The following AFAP1L2 variants were observed in gnomAD, a reference collection of about 807,000 sequenced individuals.
AFAP1L2 encodes actin filament-associated protein 1-like 2.
Under a neutral mutation model 99.3 loss-of-function variants are expected in AFAP1L2, and 46 were observed. That is an observed-to-expected ratio of 0.46 (90% CI 0.37 to 0.59). AFAP1L2 has a LOEUF of 0.59. AFAP1L2 is among the 20% of genes least tolerant of loss of function. The pLI is 0.00. For missense variants in AFAP1L2, 959 were observed against 1,034.9 expected, an observed-to-expected ratio of 0.93 and a Z score of 1.01; for synonymous variants, 397 against 419.1, an observed-to-expected ratio of 0.95 and a Z score of 0.64.
chr10:114,317,767 G>A (rs2044367246), intron 5 of AFAP1L2, among the ~76,000 whole-genome samples: 1 of 152,176 alleles, frequency 6.6e-6, no homozygotes, highest in Admixed American at 6.5e-5. Flanking sequence ...GCTGAGGTGG[G>A]AGGATGGCTT....
chr10:114,333,155 C>T, intron 3 of AFAP1L2, 66 bp downstream of exon 3: 1 of 1,433,870 alleles, frequency 7.0e-7, no homozygotes, highest in Non-Finnish European at 9.8e-7. Context: ...GGGACAGAAC[C>T]AGCTTGGACC....
intron 2 of AFAP1L2, among the ~76,000 whole-genome samples, chr10:114,336,818 G>A (rs1208979386): frequency 6.6e-6 from 1 of 152,092 alleles, no homozygotes; most frequent in Non-Finnish European, 1.5e-5. Context: ...GTCTATGCCT[G>A]GACCTCTCCA....
At chr10:114,327,128 C>A (rs1387163650) in intron 4 of AFAP1L2, among the ~76,000 whole-genome samples, 1 of 91,458 alleles carries the variant, frequency 1.1e-5, no homozygotes, top group Non-Finnish European at 2.6e-5. Flanking sequence ...ATGGTGAAGA[C>A]CGTGAATTTT....
chr10:114,291,340 C>A, downstream of AFAP1L2: 1 of 1,350,484 alleles, frequency 7.4e-7, no homozygotes, highest in Non-Finnish European at 9.9e-7. Context: ...AATGTCTGTG[C>A]CCCAGGTCCT....
At chr10:114,318,510 G>A (rs901047640) in intron 5 of AFAP1L2, among the ~76,000 whole-genome samples, 3 of 151,980 alleles carry the variant, frequency 2.0e-5, no homozygotes, top group East Asian at 1.9e-4. Flanking sequence ...AGGCCAAGGC[G>A]GGTGGATCAC....
At chr10:114,385,358 C>A (rs2056361956) in intron 1 of AFAP1L2, among the ~76,000 whole-genome samples, 1 of 152,176 alleles carries the variant, frequency 6.6e-6, no homozygotes, top group Admixed American at 6.5e-5. Context: ...TAAAGGAATG[C>A]ACCAAGATGA....
chr10:114,301,873 G>C (rs1045983893), intron 12 of AFAP1L2: 4 of 258,586 alleles, frequency 1.5e-5, no homozygotes, highest in Non-Finnish European at 3.0e-5. Context: ...AACTGATTCT[G>C]TTTCAGTGGC....
Position 114,359,976 on chromosome 10 carries a change from C to T in AFAP1L2, c.17-19245G>A, listed in dbSNP as rs575485845. On this transcript the variant is annotated intron_variant, in intron 1 of 18. Coordinates refer to ENST00000304129, the MANE Select transcript of AFAP1L2 (RefSeq NM_001001936.3). Reference sequence around the variant, plus strand: ...ACCAGAGCTAAGGACAAACATTTTCCCACAAAGAGAGTGTGATGGTTAATT... The same window carrying T: ...ACCAGAGCTAAGGACAAACATTTTCTCACAAAGAGAGTGTGATGGTTAATT... Among the ~76,000 whole-genome samples, 35 of 152,286 alleles carry T rather than the reference C, an allele frequency of 2.3e-4. No homozygotes were observed. The South Asian group carries it at 7.3e-3, about 32-fold the overall frequency.
intron 2 of AFAP1L2, among the ~76,000 whole-genome samples, chr10:114,339,533 T>C (rs888756252): frequency 3.3e-5 from 5 of 152,246 alleles, no homozygotes; most frequent in African/African-American, 1.2e-4. Context: ...CGGGCCCAAC[T>C]CGGGTCAGTC....
intron 4 of AFAP1L2, among the ~76,000 whole-genome samples, chr10:114,323,703 A>T (rs1448789783): frequency 6.6e-6 from 1 of 152,202 alleles, no homozygotes; most frequent in Non-Finnish European, 1.5e-5. Flanking sequence ...TAAATCCTAC[A>T]CTTTTACCAT....
chr10:114,375,528 A>T (rs971410104), intron 1 of AFAP1L2, among the ~76,000 whole-genome samples: 30 of 152,128 alleles, frequency 2.0e-4, no homozygotes, highest in African/African-American at 6.3e-4. Flanking sequence ...GGGAGTGGAA[A>T]TTTTTTTTAG....
At chr10:114,321,739 C>A (rs2045377657) in intron 5 of AFAP1L2, among the ~76,000 whole-genome samples, 1 of 152,214 alleles carries the variant, frequency 6.6e-6, no homozygotes, top group South Asian at 2.1e-4. Flanking sequence ...CCACTTCTTT[C>A]TGAATCTCAA....
At position 114,323,294 on chromosome 10, in the gene AFAP1L2, A is replaced by G. The variant is rs1252010594; in HGVS notation, c.316-33T>C. ...ATGAACAAATAAGACAAACGTTTGC[A>G]GATATGGTACACTGGGAGCAACTTG... On this transcript the variant is annotated intron_variant, in intron 4 of 18. Coordinates refer to ENST00000304129, the MANE Select transcript of AFAP1L2 (RefSeq NM_001001936.3). 7.1e-6 allele frequency: 11 copies of G among 1,550,138 alleles called. No individual in the cohort carries two copies. In the South Asian group the frequency reaches 1.1e-4, roughly 15 times the overall value.
intron 1 of AFAP1L2, among the ~76,000 whole-genome samples, chr10:114,349,171 G>A (rs919553650): frequency 5.9e-5 from 9 of 151,742 alleles, no homozygotes; most frequent in South Asian, 2.1e-4. Context: ...TGAGGTCAAG[G>A]GTTTGAGACC....
chr10:114,391,213 T>C (rs1404162313), intron 1 of AFAP1L2, among the ~76,000 whole-genome samples: 2 of 151,916 alleles, frequency 1.3e-5, no homozygotes, highest in African/African-American at 4.8e-5. Flanking sequence ...TTCCTGTTTC[T>C]TTCTTTTCTT....
the AFAP1L2 span, among the ~76,000 whole-genome samples, chr10:114,287,594 T>C: frequency 6.6e-6 from 1 of 152,170 alleles, no homozygotes; most frequent in Admixed American, 6.5e-5. Context: ...CTTTCCCTCC[T>C]GTAAGGCGGA....
chr10:114,394,088 G>A (rs754638041), intron 1 of AFAP1L2, among the ~76,000 whole-genome samples: 20 of 152,148 alleles, frequency 1.3e-4, no homozygotes, highest in Admixed American at 2.6e-4. Flanking sequence ...AAGAGAGTAC[G>A]TGTGCCCTTT....
chr10:114,301,788 C>A (rs1005633), intron 12 of AFAP1L2: 247,760 of 363,806 alleles, frequency 0.68, 90,864 homozygotes, highest in Admixed American at 0.77. Flanking sequence ...CAACAAAAAA[C>A]CCCTTCTCAT....
chr10:114,326,166 TGTGA>T (rs2046262368), intron 4 of AFAP1L2: 1 of 623,002 alleles, frequency 1.6e-6, no homozygotes, highest in Admixed American at 3.7e-5. Context: ...GGCAGTGTTT[TGTGA>T]GTGTCTCCTA....
Sources: gnomAD v4.1 joint callset for allele counts (sites outside exome capture counted in the v4.1 genomes callset) on GRCh38, gnomAD v4.1.1 for gene constraint, MANE v1.5 for transcripts, NCBI Gene and HGNC (gene_info 2026-07-23, HGNC 2026-07-21) for gene names.